The following CADPS2 variants were observed in gnomAD, a reference collection of about 807,000 sequenced individuals.
CADPS2 encodes the protein calcium dependent secretion activator 2.
CADPS2 carries 93 observed loss-of-function variants against 172.5 expected under a neutral mutation model. The observed-to-expected ratio is 0.54, with a 90% CI of 0.46 to 0.64. The LOEUF (loss-of-function observed/expected upper bound fraction) is 0.64, where lower values mean the gene tolerates loss of function less well. CADPS2 is among the 30% of genes least tolerant of loss of function. The pLI is 0.00. For synonymous variants in CADPS2, 546 were observed against 555.2 expected (o/e 0.98, Z 0.23); for missense variants, 1,420 against 1,565.9 (o/e 0.91, Z 1.57).
intron 1 of CADPS2, among the ~76,000 whole-genome samples, chr7:122,767,770 A>G (rs534334073): frequency 2.4e-4 from 36 of 152,282 alleles, no homozygotes; most frequent in African/African-American, 8.2e-4. Context: ...TAATTTGAAG[A>G]ACTCCCAGAT....
chr7:122,719,842 CT>C, intron 2 of CADPS2, among the ~76,000 whole-genome samples: 3 of 151,952 alleles, frequency 2.0e-5, no homozygotes, highest in Admixed American at 2.0e-4. Flanking sequence ...TCATTTATGG[CT>C]TTATCAAAAT....
intron 1 of CADPS2, among the ~76,000 whole-genome samples, chr7:122,822,825 C>T (rs1225005159): frequency 1.6e-4 from 25 of 151,728 alleles, no homozygotes; most frequent in Non-Finnish European, 1.5e-5. Flanking sequence ...GCCAGAGAAC[C>T]CCCCTTTGAC....
chr7:122,362,296 G>T (rs1338921202), intron 25 of CADPS2, among the ~76,000 whole-genome samples: 1 of 152,206 alleles, frequency 6.6e-6, no homozygotes, highest in African/African-American at 2.4e-5. Flanking sequence ...GATACACACT[G>T]CAGAGTACAA....
intron 3 of CADPS2, among the ~76,000 whole-genome samples, chr7:122,643,638 A>C (rs1213538507): frequency 6.6e-6 from 1 of 152,038 alleles, no homozygotes; most frequent in Non-Finnish European, 1.5e-5. Flanking sequence ...TCTGCATATG[A>C]TTCTCATTAC....
At chr7:122,764,396 A>G (rs1384587150) in intron 1 of CADPS2, among the ~76,000 whole-genome samples, 1 of 152,196 alleles carries the variant, frequency 6.6e-6, no homozygotes, top group Non-Finnish European at 1.5e-5. Flanking sequence ...TCTGACAAAT[A>G]GATTTGTTCA....
chr7:122,591,567 T>C (rs561664477), intron 6 of CADPS2, among the ~76,000 whole-genome samples: 3 of 152,144 alleles, frequency 2.0e-5, no homozygotes, highest in South Asian at 2.1e-4. Context: ...GGAGGCATCA[T>C]GCTACCTGAT....
At chr7:122,863,782 C>A (rs1817573605) in intron 1 of CADPS2, among the ~76,000 whole-genome samples, 1 of 152,196 alleles carries the variant, frequency 6.6e-6, no homozygotes, top group Non-Finnish European at 1.5e-5. Flanking sequence ...ATAATCCCAG[C>A]ACTTTGAAAG....
intron 1 of CADPS2, among the ~76,000 whole-genome samples, chr7:122,826,331 A>G (rs906500538): frequency 2.0e-5 from 3 of 152,224 alleles, no homozygotes; most frequent in Non-Finnish European, 4.4e-5. Flanking sequence ...GCAGTATCCA[A>G]AACTACCAGT....
In CADPS2 at chr7:122,817,870, C is replaced by A. The variant is rs191708374; in HGVS notation, c.339+68129G>T. Among the ~76,000 whole-genome samples, 421 of 151,216 alleles carry A rather than the reference C, an allele frequency of 2.8e-3. 2 individuals carry two copies. The highest frequency in any genetic ancestry group is 9.8e-3 in the African/African-American group (403 of 41,076). On this transcript the variant is annotated intron_variant, in intron 1 of 29. Coordinates refer to ENST00000449022, the MANE Select transcript of CADPS2 (RefSeq NM_017954.11). ...CCAATCCCTTATTTCCATGCCCCGA[C>A]CTCTTATCTCTGCGCCCCAATCCCT...
intron 3 of CADPS2, among the ~76,000 whole-genome samples, chr7:122,631,389 T>C (rs1386935323): frequency 1.3e-5 from 2 of 152,140 alleles, no homozygotes; most frequent in Non-Finnish European, 2.9e-5. Flanking sequence ...GTGAAATTGT[T>C]TGAGTTATTT....
intron 1 of CADPS2, among the ~76,000 whole-genome samples, chr7:122,848,391 A>T (rs541966377): frequency 6.6e-6 from 1 of 152,076 alleles, no homozygotes; most frequent in Non-Finnish European, 1.5e-5. Flanking sequence ...ATTGGCAAAC[A>T]CTTGCACAGC....
chr7:122,635,893 A>G (rs1231991792), intron 3 of CADPS2, among the ~76,000 whole-genome samples: 1 of 151,348 alleles, frequency 6.6e-6, no homozygotes. Context: ...TTGGTTTCAA[A>G]TCTATTCTAT....
chr7:122,366,172 T>TA (rs1394376665), intron 25 of CADPS2, among the ~76,000 whole-genome samples: 2 of 151,388 alleles, frequency 1.3e-5, no homozygotes, highest in African/African-American at 4.8e-5. Context: ...TGAATTTAGT[T>TA]AAAAAACTTT....
intron 22 of CADPS2, among the ~76,000 whole-genome samples, chr7:122,391,079 A>G (rs1270484217): frequency 6.6e-6 from 1 of 152,052 alleles, no homozygotes; most frequent in Non-Finnish European, 1.5e-5. Context: ...TGTATTTTTA[A>G]TTCTTTATGT....
At chr7:122,505,599 G>A (rs2059551606) in intron 9 of CADPS2, among the ~76,000 whole-genome samples, 1 of 152,026 alleles carries the variant, frequency 6.6e-6, no homozygotes, top group Non-Finnish European at 1.5e-5. Flanking sequence ...AGATAATTGG[G>A]CCTAGAGATA....
chr7:122,569,190 A>G (rs1306943373), intron 7 of CADPS2, among the ~76,000 whole-genome samples: 1 of 152,174 alleles, frequency 6.6e-6, no homozygotes, highest in Non-Finnish European at 1.5e-5. Context: ...AAGTCTCAGG[A>G]TACAAAATCA....
chr7:122,548,567 G>A (rs2063863892), intron 8 of CADPS2, among the ~76,000 whole-genome samples: 1 of 152,054 alleles, frequency 6.6e-6, no homozygotes, highest in Non-Finnish European at 1.5e-5. Context: ...GAGCTATATG[G>A]ATCAAATCAT....
intron 2 of CADPS2, among the ~76,000 whole-genome samples, chr7:122,683,542 T>C (rs143832456): frequency 6.6e-6 from 1 of 152,262 alleles, no homozygotes; most frequent in African/African-American, 2.4e-5. Context: ...CAACGTGATG[T>C]TTTGATATGT....
At position 122,387,240 on chromosome 7, in the gene CADPS2, T is replaced by G. The variant is rs1004623955; in HGVS notation, c.3165-67A>C. The G allele has an allele frequency of 2.1e-6, 3 of 1,454,490 alleles. No homozygotes were observed. The African/African-American group carries it at 4.2e-5, about 21-fold the overall frequency. 90.1% of individuals were successfully genotyped at this position (1,454,490 alleles called of 1,614,324 possible). ...TACAGCTCACCTGTTTTGTAAAAAG[T>G]GAAATCAACACTACAAGATGCTAAT... On this transcript the variant is annotated intron_variant, in intron 23 of 29. Coordinates refer to ENST00000449022, the MANE Select transcript of CADPS2 (RefSeq NM_017954.11).
Sources: gnomAD v4.1 joint callset for allele counts (sites outside exome capture counted in the v4.1 genomes callset) on GRCh38, gnomAD v4.1.1 for gene constraint, MANE v1.5 for transcripts, NCBI Gene and HGNC (gene_info 2026-07-23, HGNC 2026-07-21) for gene names.